Variants in ERMN observed in about 807,000 individuals in gnomAD.
The protein encoded by ERMN is ermin, ERM-like protein.
ERMN carries 17 observed loss-of-function variants against 21.4 expected under a neutral mutation model. The observed-to-expected ratio is 0.80, with a 90% CI of 0.54 to 1.19. The LOEUF is 1.19. Ranked by LOEUF, ERMN falls within the 50% of genes most tolerant of loss-of-function variation. ERMN has a pLI of 0.00. For missense variants in ERMN, 348 were observed against 331.6 expected, an observed-to-expected ratio of 1.05 and a Z score of -0.38; for synonymous variants, 115 against 111.9, an observed-to-expected ratio of 1.03 and a Z score of -0.17.
At chr2:157,324,210 T>C in intron 2 of ERMN, 1 of 247,022 alleles carries the variant, frequency 4.0e-6, no homozygotes, top group Non-Finnish European at 8.2e-6. Flanking sequence ...AGACAGAGGT[T>C]GCAGTCTGCC....
rs374658091 is a variant in ERMN, at chr2:157,324,665, G to A, written c.334+5C>T. 4 of 1,605,654 alleles carry A rather than the reference G, an allele frequency of 2.5e-6. No homozygotes were observed. The highest frequency in any genetic ancestry group is 3.3e-5 in the Admixed American group (2 of 59,832). The stretch of plus-strand genomic sequence containing the variant: ...TTCTGTGTACAAAACTGTAGTTCTT[G>A]TTACCTTCTCTGAATGTCATTTCAT... On this transcript the variant is annotated splice_donor_5th_base_variant and intron_variant, in intron 2 of 2. Transcript: ENST00000410096.
rs915683444 is a variant in ERMN at position 157,325,690 on chromosome 2, G to A, written c.-48C>T. 11 of 1,612,658 alleles carry A rather than the reference G, an allele frequency of 6.8e-6. No individual in the cohort carries two copies. Among genetic ancestry groups the A allele is most frequent in the African/African-American group, 4.0e-5 (3 of 74,934 alleles). ...GGAGAGAGAGCTTTAGGGAAACTGA[G>A]TGAGTAGATCCTTGATAAGATACCT... On this transcript the variant is annotated 5_prime_UTR_variant, in exon 1 of 3. Transcript: ENST00000410096.
intron 2 of ERMN, among the ~76,000 whole-genome samples, chr2:157,322,247 C>T (rs1008978955): frequency 1.1e-5 from 1 of 92,400 alleles, no homozygotes; most frequent in Non-Finnish European, 2.0e-5. Flanking sequence ...CACACACACG[C>T]ACACACACAC....
At chr2:157,327,596 G>A (rs979068950), upstream of ERMN, 3 of 694,188 alleles carry the variant, frequency 4.3e-6, no homozygotes, top group Non-Finnish European at 8.0e-6. Flanking sequence ...GCCTACTGAT[G>A]AGAGTTTGCA....
chr2:157,327,159 T>G (rs935211303), upstream of ERMN: 1 of 164,346 alleles, frequency 6.1e-6, no homozygotes, highest in African/African-American at 2.4e-5. Context: ...TTCAGATCAT[T>G]TTTAAAGAGA....
At chr2:157,324,524 T>C in intron 2 of ERMN, 146 bp downstream of exon 2, 1 of 656,514 alleles carries the variant, frequency 1.5e-6, no homozygotes, top group Non-Finnish European at 2.7e-6. Flanking sequence ...GTTAAGACTC[T>C]CTTATCTGCC....
In ERMN at chr2:157,318,932, T is replaced by C. The variant is rs1029302848; in HGVS notation, c.*2339A>G. 6 of 152,182 alleles carry C rather than the reference T, an allele frequency of 3.9e-5. No individual in the cohort carries two copies. Among genetic ancestry groups the C allele is most frequent in the African/African-American group, 1.4e-4 (6 of 41,448 alleles). 9.4% of individuals were successfully genotyped at this position (152,182 alleles called of 1,614,324 possible). On this transcript the variant is annotated 3_prime_UTR_variant, in exon 3 of 3. Coordinates refer to ENST00000410096, the MANE Select transcript of ERMN (RefSeq NM_020711.3). ...ACAAAAGCTCAAGTAAACCTTCATGTGTAGCTACCAGTTTGTGTTCTTAAT... is the reference window on the plus strand; with the variant it reads ...ACAAAAGCTCAAGTAAACCTTCATGCGTAGCTACCAGTTTGTGTTCTTAAT...
At chr2:157,322,582 G>A (rs369503059) in intron 2 of ERMN, among the ~76,000 whole-genome samples, 2 of 152,310 alleles carry the variant, frequency 1.3e-5, no homozygotes, top group African/African-American at 4.8e-5. Context: ...GAGTCTATAA[G>A]TAAGGTGAGA....
upstream of ERMN, among the ~76,000 whole-genome samples, chr2:157,326,325 C>A (rs900304572): frequency 2.0e-5 from 3 of 152,352 alleles, no homozygotes; most frequent in Middle Eastern, 3.4e-3. Flanking sequence ...GTGCTTCCAG[C>A]AGGCTGGAGA....
chr2:157,321,189 T>C lies in ERMN; in HGVS notation c.*82A>G. 1 of 1,509,788 alleles carries C rather than the reference T, an allele frequency of 6.6e-7. No homozygotes were observed. The highest frequency in any genetic ancestry group is 8.8e-7 in the Non-Finnish European group (1 of 1,137,120). The allele number at this position is 1,509,788 out of a possible 1,614,324, so 93.5% of individuals were successfully genotyped here. On this transcript the variant is annotated 3_prime_UTR_variant, in exon 3 of 3. Transcript: ENST00000410096. ...ACCTCCCTCCAAGTGATAACTCAAA[T>C]AAGGCATAGAAATATGCACCCTGGG...
upstream of ERMN, chr2:157,327,215 A>G (rs996165232): frequency 3.5e-5 from 11 of 312,850 alleles, no homozygotes; most frequent in African/African-American, 2.4e-4. Flanking sequence ...TCACCTTTAA[A>G]AGTGTGTCTA....
In ERMN at chr2:157,321,243, G is replaced by C; in HGVS notation, c.*28C>G. 2.5e-6 allele frequency: 4 copies of C among 1,592,432 alleles called. No individual in the cohort carries two copies. The South Asian group carries it at 4.5e-5, about 18-fold the overall frequency. ...ATAGAATTAGCTTTTCCTTTAGTGG[G>C]CATGAGAATTTCTCAGTTCCAGTTA... is the stretch of plus-strand genomic sequence containing the variant. On this transcript the variant is annotated 3_prime_UTR_variant, in exon 3 of 3. Coordinates refer to ENST00000410096, the MANE Select transcript of ERMN (RefSeq NM_020711.3).
chr2:157,321,029 T>A lies in ERMN; in HGVS notation c.*242A>T, dbSNP rs540374233. 1.3e-5 allele frequency: 7 copies of A among 519,886 alleles called. No individual in the cohort carries two copies. Among genetic ancestry groups the A allele is most frequent in the South Asian group, 1.3e-4 (5 of 39,420 alleles). 32.2% of individuals were successfully genotyped at this position (519,886 alleles called of 1,614,324 possible). On this transcript the variant is annotated 3_prime_UTR_variant, in exon 3 of 3. Coordinates refer to ENST00000410096, the MANE Select transcript of ERMN (RefSeq NM_020711.3). ...TGACTGCTTAGTGCTTATCACACAA[T>A]GCTATATTAGTGAAGTTTTAAAAGA...
At chr2:157,324,574 C>T (rs1223052990) in intron 2 of ERMN, 96 bp downstream of exon 2, 2 of 958,688 alleles carry the variant, frequency 2.1e-6, no homozygotes, top group Non-Finnish European at 3.3e-6. Flanking sequence ...GCCTGGATTG[C>T]TTTGTCAACC....
chr2:157,324,648 A>G (rs779250824), intron 2 of ERMN, 22 bp downstream of exon 2: 2 of 1,566,246 alleles, frequency 1.3e-6, no homozygotes, highest in Non-Finnish European at 1.8e-6. Context: ...ATTTCTGTGT[A>G]CAAAACTGTA....
chr2:157,327,565 G>C (rs1267641168), upstream of ERMN: 7 of 738,134 alleles, frequency 9.5e-6, no homozygotes, highest in Non-Finnish European at 1.8e-5. Context: ...AGTTCAGCTA[G>C]TAAGGTCACA....
chr2:157,322,827 A>G (rs1263871305), intron 2 of ERMN, among the ~76,000 whole-genome samples: 1 of 152,224 alleles, frequency 6.6e-6, no homozygotes, highest in Non-Finnish European at 1.5e-5. Context: ...AACATTATCC[A>G]TAAATACACA....
Position 157,321,586 on chromosome 2 carries a change from C to T in ERMN, c.540G>A (p.Lys180=), listed in dbSNP as rs1683904275. Residue 180 remains lysine (K), a synonymous_variant, in exon 3 of 3, where the codon AAG becomes AAA. Coordinates refer to ENST00000410096, the MANE Select transcript of ERMN (RefSeq NM_020711.3). ...CATCATCAATTTCTTCATCCCAAACCTTCTGCTCCTCATCATGTTTAGAAT... is the reference window on the plus strand; with the variant it reads ...CATCATCAATTTCTTCATCCCAAACTTTCTGCTCCTCATCATGTTTAGAAT... ...MLHSKHDEEQ[K]VWDEEIDDDD... 9.3e-6 allele frequency: 15 copies of T among 1,613,908 alleles called. No individual in the cohort carries two copies. Among genetic ancestry groups the T allele is most frequent in the East Asian group, 2.2e-5 (1 of 44,886 alleles).
intron 1 of ERMN, 119 bp downstream of exon 1, chr2:157,325,283 T>C: frequency 3.0e-6 from 4 of 1,316,128 alleles, no homozygotes; most frequent in South Asian, 2.5e-5. Flanking sequence ...CTATGCGTAG[T>C]AGAATAAAGG....
Sources: allele counts gnomAD v4.1 joint callset (sites outside exome capture counted in the v4.1 genomes callset), GRCh38; gene constraint gnomAD v4.1.1; transcripts MANE v1.5; gene names NCBI Gene and HGNC (gene_info 2026-07-23, HGNC 2026-07-21).